Variants in GALNT3 observed in about 807,000 individuals in gnomAD.
The protein encoded by GALNT3 is GalNAc transferase 3.
Under a neutral mutation model 69.8 loss-of-function variants are expected in GALNT3, and 51 were observed. The ratio of observed to expected loss-of-function variants is 0.73; its 90% CI spans 0.58 to 0.92. The LOEUF (loss-of-function observed/expected upper bound fraction) is 0.92, where lower values mean the gene tolerates loss of function less well. Among genes scored for constraint, GALNT3 ranks in the 40% least tolerant of loss-of-function variants. The probability of loss-of-function intolerance (pLI) is 0.00; values close to 1 mark genes in which losing one functional copy is unlikely to be tolerated. For missense variants in GALNT3, 711 were observed against 760.0 expected, an observed-to-expected ratio of 0.94 and a Z score of 0.76; for synonymous variants, 265 against 248.5, an observed-to-expected ratio of 1.07 and a Z score of -0.63.
intron 1 of GALNT3, among the ~76,000 whole-genome samples, chr2:165,786,717 A>G (rs1012338782): frequency 2.6e-5 from 4 of 152,174 alleles, no homozygotes; most frequent in Non-Finnish European, 5.9e-5. Context: ...AGGATTTGGA[A>G]TTGTACTGCT....
At chr2:165,769,329 C>T (rs1019001956) in intron 2 of GALNT3, among the ~76,000 whole-genome samples, 3 of 147,838 alleles carry the variant, frequency 2.0e-5, no homozygotes, top group African/African-American at 4.9e-5. Flanking sequence ...TCGCTTGAAC[C>T]CAGGAGGCAG....
At position 165,755,076 on chromosome 2, in the gene GALNT3, G is replaced by A. The variant is rs2105403323; in HGVS notation, c.1393-13C>T. On this transcript the variant is annotated splice_polypyrimidine_tract_variant and intron_variant, in intron 7 of 10. Transcript: ENST00000392701. Reference sequence around the variant, plus strand: ...CACCAAATGCTTTCTGTAGAAACATGAGAAATGAAGGGAATGCTTAATTAA... The same window carrying A: ...CACCAAATGCTTTCTGTAGAAACATAAGAAATGAAGGGAATGCTTAATTAA... 1 of 1,606,086 alleles carries A rather than the reference G, an allele frequency of 6.2e-7. No individual in the cohort carries two copies. Among genetic ancestry groups the A allele is most frequent in the Non-Finnish European group, 8.5e-7 (1 of 1,173,160 alleles).
chr2:165,791,141 T>C (rs2105235202), intron 1 of GALNT3, among the ~76,000 whole-genome samples: 1 of 152,322 alleles, frequency 6.6e-6, no homozygotes, highest in South Asian at 2.1e-4. Context: ...ATTTGAAAGA[T>C]TTAATCTAGC....
chr2:165,784,335 T>C (rs1055269762), intron 1 of GALNT3, among the ~76,000 whole-genome samples: 2 of 152,148 alleles, frequency 1.3e-5, no homozygotes, highest in Admixed American at 6.5e-5. Context: ...TTGTGCTGAA[T>C]ATGGAATTTT....
intron 5 of GALNT3, among the ~76,000 whole-genome samples, 165 bp from the exon 6 acceptor site, chr2:165,759,029 G>A (rs1442577571): frequency 6.6e-6 from 1 of 152,118 alleles, no homozygotes; most frequent in Admixed American, 6.6e-5. Context: ...GATTTTTGGG[G>A]TCGGGGGGAG....
In GALNT3 at chr2:165,762,068, A is replaced by G; in HGVS notation, c.689-14T>C. ...CATGTAAGTACTCTGTAAGGAAAAA[A>G]AATCAGGGTTAATTCTTTCTAAATG... On this transcript the variant is annotated splice_polypyrimidine_tract_variant and intron_variant, in intron 3 of 10. Transcript: ENST00000392701. 1 of 1,506,334 alleles carries G rather than the reference A, an allele frequency of 6.6e-7. No homozygotes were observed. The highest frequency in any genetic ancestry group is 1.1e-5 in the South Asian group (1 of 88,634). 93.3% of individuals were successfully genotyped at this position (1,506,334 alleles called of 1,614,324 possible). A position where few individuals can be genotyped will look rare whatever the true frequency, so the allele number is the denominator to read the frequency against.
At chr2:165,763,367 G>T (rs946153294) in intron 3 of GALNT3, among the ~76,000 whole-genome samples, 1 of 152,072 alleles carries the variant, frequency 6.6e-6, no homozygotes, top group African/African-American at 2.4e-5. Context: ...TAAGAGAGCT[G>T]CTTATTTAAA....
chr2:165,779,547 T>C (rs1683056330), intron 1 of GALNT3, among the ~76,000 whole-genome samples: 1 of 152,214 alleles, frequency 6.6e-6, no homozygotes, highest in Non-Finnish European at 1.5e-5. Context: ...TTGTAGTCAT[T>C]GCTGTGACTC....
chr2:165,763,438 CTAAACACTGT>C (rs1688586485), intron 3 of GALNT3, among the ~76,000 whole-genome samples: 1 of 152,250 alleles, frequency 6.6e-6, no homozygotes, highest in African/African-American at 2.4e-5. Context: ...ATAAATCTAT[CTAAACACTGT>C]TGTCTCAGAG....
chr2:165,754,783 T>A, intron 8 of GALNT3, 55 bp from the exon 9 acceptor site: 1 of 1,400,950 alleles, frequency 7.1e-7, no homozygotes, highest in Non-Finnish European at 9.8e-7. Context: ...GATTTATATA[T>A]TTTTAAAATA....
At chr2:165,768,623 A>T (rs187084496) in intron 2 of GALNT3, among the ~76,000 whole-genome samples, 3 of 152,292 alleles carry the variant, frequency 2.0e-5, no homozygotes, top group African/African-American at 7.2e-5. Context: ...ATGTTAAGGG[A>T]CTCATATACT....
chr2:165,793,805 TC>T (rs1274841649), intron 1 of GALNT3: 4 of 152,316 alleles, frequency 2.6e-5, no homozygotes, highest in African/African-American at 2.4e-5. Context: ...GTGACCGGGC[TC>T]CCCCCCGAGG....
Position 165,774,969 on chromosome 2 carries a change from G to A in GALNT3, c.-108-4161C>T, listed in dbSNP as rs979547676. Among the ~76,000 whole-genome samples, 5 of 122,688 alleles carry A rather than the reference G, an allele frequency of 4.1e-5. No homozygotes were observed. The Admixed American group carries it at 5.4e-4, about 13-fold the overall frequency. 80.5% of individuals were successfully genotyped at this position (122,688 alleles called of 152,430 possible). On this transcript the variant is annotated intron_variant, in intron 1 of 10. Transcript: ENST00000392701. Reference sequence around the variant, plus strand: ...TCTCACTATGCTGCCCAGCCAGGCTGATCTTGAACTCCCAAACTCAAGGGA... The same window carrying A: ...TCTCACTATGCTGCCCAGCCAGGCTAATCTTGAACTCCCAAACTCAAGGGA...
At chr2:165,767,101 T>C (rs1456180310) in intron 2 of GALNT3, among the ~76,000 whole-genome samples, 1 of 152,010 alleles carries the variant, frequency 6.6e-6, no homozygotes, top group Non-Finnish European at 1.5e-5. Context: ...TACCAATTAA[T>C]AAAAAAGCTC....
At position 165,770,180 on chromosome 2, in the gene GALNT3, A is replaced by G. The variant is rs1212195777; in HGVS notation, c.515+6T>C. On this transcript the variant is annotated splice_donor_region_variant and intron_variant, in intron 2 of 10. Transcript: ENST00000392701. ...AAGAATAAACAATAAATATTCTTCA[A>G]CATACTCAGGAGGTCGAGTGTCTGG... is the stretch of plus-strand genomic sequence containing the variant. 3 of 1,614,094 alleles carry G rather than the reference A, an allele frequency of 1.9e-6. No individual in the cohort carries two copies. In the East Asian group the frequency reaches 6.7e-5, roughly 36 times the overall value.
intron 1 of GALNT3, among the ~76,000 whole-genome samples, chr2:165,791,881 T>G (rs1414040056): frequency 6.6e-6 from 1 of 152,146 alleles, no homozygotes; most frequent in East Asian, 1.9e-4. Context: ...TCAGGCAATA[T>G]TTGGACAAGT....
At chr2:165,751,102 G>C (rs553991276) in intron 9 of GALNT3, among the ~76,000 whole-genome samples, 1 of 152,024 alleles carries the variant, frequency 6.6e-6, no homozygotes, top group Middle Eastern at 3.4e-3. Flanking sequence ...GCAATTTATC[G>C]AGTCATAACA....
chr2:165,755,454 TATAGACAAACAGTGCCA>T (rs1688429211), intron 7 of GALNT3, among the ~76,000 whole-genome samples: 1 of 152,136 alleles, frequency 6.6e-6, no homozygotes, highest in African/African-American at 2.4e-5. Flanking sequence ...AGAAATCAGG[TATAGACAAACAGTGCCA>T]ATACACAATG....
Position 165,762,045 on chromosome 2 carries a change from T to C in GALNT3, c.698A>G (p.His233Arg), listed in dbSNP as rs756853934. Residue 233 changes from histidine (H) to arginine (R), a missense_variant, in exon 4 of 11, where the codon CAT becomes CGT. Physicochemically the swap from His to Arg is conservative, Grantham distance 29 (BLOSUM62 0). Transcript: ENST00000392701. ...TTTTACATATTCATCTAGTTTATCA[T>C]GTAAGTACTCTGTAAGGAAAAAAAA... ...VDDASVDEYLHDKLDEYVKQF... is the reference protein window; with the variant it reads ...VDDASVDEYLRDKLDEYVKQF... 1 of 1,554,364 alleles carries C rather than the reference T, an allele frequency of 6.4e-7. No individual in the cohort carries two copies.
Sources: gnomAD v4.1 joint callset for allele counts (sites outside exome capture counted in the v4.1 genomes callset) on GRCh38, gnomAD v4.1.1 for gene constraint, MANE v1.5 for transcripts, NCBI Gene and HGNC (gene_info 2026-07-23, HGNC 2026-07-21) for gene names.